Variants in TAF4B observed in about 807,000 individuals in gnomAD.
TAF4B encodes transcription initiation factor TFIID subunit 4B.
Under a neutral mutation model 86.4 loss-of-function variants are expected in TAF4B, and 38 were observed. The ratio of observed to expected loss-of-function variants is 0.44; its 90% CI spans 0.34 to 0.58. The LOEUF is 0.58. Ranked by LOEUF, TAF4B falls within the 20% of genes least tolerant of loss-of-function variation. The pLI is 0.02. For missense variants in TAF4B, 988 were observed against 1,027.6 expected, an observed-to-expected ratio of 0.96 and a Z score of 0.53; for synonymous variants, 388 against 391.2, an observed-to-expected ratio of 0.99 and a Z score of 0.10.
rs186928149 is a variant in TAF4B, at chr18:26,267,330, A to G, written c.490-186A>G. 202 of 428,270 alleles carry G rather than the reference A, an allele frequency of 4.7e-4. 2 individuals carry two copies. In the East Asian group the frequency reaches 6.2e-3, roughly 13 times the overall value. The allele number at this position is 428,270 out of a possible 1,614,324, so 26.5% of individuals were successfully genotyped here. A position where few individuals can be genotyped will look rare whatever the true frequency, so the allele number is the denominator to read the frequency against. ...GTTGCCACCTTAGAAATATGAAATG[A>G]GTGTCATCTGGGCAGCTGACCAGTT... On this transcript the variant is annotated intron_variant, in intron 2 of 14. Coordinates refer to ENST00000269142, the MANE Select transcript of TAF4B (RefSeq NM_005640.3).
At chr18:26,267,736 C>A in intron 3 of TAF4B, 113 bp downstream of exon 3, 1 of 705,762 alleles carries the variant, frequency 1.4e-6, no homozygotes, top group Non-Finnish European at 2.5e-6. Context: ...GATAGCAATT[C>A]AGTAATATAT....
chr18:26,297,091 G>A (rs776584946), intron 9 of TAF4B, among the ~76,000 whole-genome samples: 13 of 151,044 alleles, frequency 8.6e-5, no homozygotes, highest in Non-Finnish European at 1.3e-4. Flanking sequence ...CTGAGATTGC[G>A]CCACTGCACT....
intron 9 of TAF4B, among the ~76,000 whole-genome samples, chr18:26,300,428 C>A (rs1009357439): frequency 6.7e-6 from 1 of 149,284 alleles, no homozygotes; most frequent in Non-Finnish European, 1.5e-5. Flanking sequence ...CAATTTCTCC[C>A]TAAATACTGA....
chr18:26,226,901 G>A lies in TAF4B; in HGVS notation c.-33G>A. ...TCCCCTCACCTCTGCTCCCGGAACC[G>A]CAGCGCCAAAGCTGCCGCTGAGCCC... On this transcript the variant is annotated 5_prime_UTR_variant, in exon 1 of 15. Coordinates refer to ENST00000269142, the MANE Select transcript of TAF4B (RefSeq NM_005640.3). 1.5e-6 allele frequency: 2 copies of A among 1,341,104 alleles called. No individual in the cohort carries two copies. Among genetic ancestry groups the A allele is most frequent in the Non-Finnish European group, 9.5e-7 (1 of 1,051,950 alleles). 83.1% of individuals were successfully genotyped at this position (1,341,104 alleles called of 1,614,324 possible).
At chr18:26,323,329 A>C (rs145581326) in intron 11 of TAF4B, among the ~76,000 whole-genome samples, 1 of 151,896 alleles carries the variant, frequency 6.6e-6, no homozygotes, top group African/African-American at 2.4e-5. Context: ...ATCTTCAACT[A>C]TTGTGGAGCT....
intron 12 of TAF4B, among the ~76,000 whole-genome samples, chr18:26,333,199 A>G (rs972667426): frequency 1.3e-5 from 2 of 150,596 alleles, no homozygotes; most frequent in Non-Finnish European, 3.0e-5. Context: ...TAAATTATAT[A>G]TATTTTATTT....
intron 13 of TAF4B, among the ~76,000 whole-genome samples, chr18:26,336,378 T>G (rs1351619872): frequency 6.6e-6 from 1 of 152,154 alleles, no homozygotes; most frequent in Non-Finnish European, 1.5e-5. Context: ...TTAAAGGCCC[T>G]TATTGTTTGG....
At chr18:26,317,747 T>A (rs1331723397) in intron 10 of TAF4B, among the ~76,000 whole-genome samples, 5 of 152,204 alleles carry the variant, frequency 3.3e-5, no homozygotes, top group Non-Finnish European at 7.3e-5. Flanking sequence ...TGTTTTCATG[T>A]GGCAGAAAGA....
chr18:26,268,110 C>G (rs1045375236), intron 3 of TAF4B, among the ~76,000 whole-genome samples: 1 of 152,138 alleles, frequency 6.6e-6, no homozygotes, highest in African/African-American at 2.4e-5. Context: ...TGTGGACTTT[C>G]CTGGGAAAGT....
chr18:26,372,976 G>T (rs370305338), intron 14 of TAF4B, among the ~76,000 whole-genome samples: 1 of 124,712 alleles, frequency 8.0e-6, no homozygotes, highest in Non-Finnish European at 1.8e-5. Context: ...AAAAAAAAAA[G>T]TAACAACACC....
At chr18:26,271,219 T>C (rs2056313603) in intron 3 of TAF4B, among the ~76,000 whole-genome samples, 1 of 152,218 alleles carries the variant, frequency 6.6e-6, no homozygotes, top group South Asian at 2.1e-4. Context: ...TTTGAAAGTA[T>C]TTTCCTATTA....
chr18:26,375,964 T>A (rs1004102000), intron 14 of TAF4B, among the ~76,000 whole-genome samples: 1 of 152,116 alleles, frequency 6.6e-6, no homozygotes, highest in African/African-American at 2.4e-5. Flanking sequence ...AAAACATTAT[T>A]CTTTCCCCAT....
intron 14 of TAF4B, among the ~76,000 whole-genome samples, chr18:26,376,170 A>G (rs2057441413): frequency 6.6e-6 from 1 of 150,830 alleles, no homozygotes; most frequent in Admixed American, 6.6e-5. Flanking sequence ...CATTTTAACT[A>G]TTATGGGTCC....
intron 1 of TAF4B, among the ~76,000 whole-genome samples, chr18:26,260,838 T>G (rs928652740): frequency 5.3e-5 from 8 of 152,232 alleles, no homozygotes; most frequent in Non-Finnish European, 1.0e-4. Flanking sequence ...CTTTCTTCTT[T>G]AAGTATGGTT....
chr18:26,270,100 G>A (rs182918549), intron 3 of TAF4B, among the ~76,000 whole-genome samples: 2 of 152,210 alleles, frequency 1.3e-5, no homozygotes, highest in Admixed American at 1.3e-4. Context: ...ATATATTGTG[G>A]AGAGAAAACA....
intron 1 of TAF4B, among the ~76,000 whole-genome samples, chr18:26,240,818 C>A (rs2055825663): frequency 1.3e-5 from 2 of 152,098 alleles, no homozygotes; most frequent in Non-Finnish European, 1.5e-5. Context: ...TTGTCAAAGG[C>A]CTTTTCCACA....
chr18:26,328,444 A>G (rs1178226652), intron 12 of TAF4B, among the ~76,000 whole-genome samples: 1 of 152,028 alleles, frequency 6.6e-6, no homozygotes, highest in Non-Finnish European at 1.5e-5. Flanking sequence ...GCAAGACTCC[A>G]TCTCCAAAAA....
intron 1 of TAF4B, among the ~76,000 whole-genome samples, chr18:26,248,799 A>G (rs1395760690): frequency 1.1e-4 from 10 of 90,596 alleles, no homozygotes. Flanking sequence ...TGCTGGGATT[A>G]CAGGCGTGAG....
chr18:26,327,269 T>C, intron 12 of TAF4B, 129 bp downstream of exon 12: 2 of 1,136,414 alleles, frequency 1.8e-6, no homozygotes, highest in Non-Finnish European at 2.4e-6. Flanking sequence ...AAAACGAAAT[T>C]ACTAATAGGA....
Sources: gnomAD v4.1 joint callset for allele counts (sites outside exome capture counted in the v4.1 genomes callset) on GRCh38, gnomAD v4.1.1 for gene constraint, MANE v1.5 for transcripts, NCBI Gene and HGNC (gene_info 2026-07-23, HGNC 2026-07-21) for gene names.